C10orf143: variants seen among roughly 807,000 people sequenced by gnomAD.
C10orf143 encodes chromosome 10 open reading frame 143, also known as uncharacterized protein C10orf143.
At chr10:130,109,859 A>AAAG (rs1354028656) in intron 1 of C10orf143, among the ~76,000 whole-genome samples, 1 of 152,072 alleles carries the variant, frequency 6.6e-6, no homozygotes, top group Admixed American at 6.5e-5. Flanking sequence ...AAGAAAAAAA[A>AAAG]AAGCAAATAT....
chr10:130,106,631 A>G (rs1417788000), intron 1 of C10orf143: 1 of 1,308,632 alleles, frequency 7.6e-7, no homozygotes, highest in Admixed American at 1.7e-5. Context: ...GATCTTCAAG[A>G]GATTTAAAAT....
chr10:130,049,496 C>T (rs991602642), intron 3 of C10orf143, among the ~76,000 whole-genome samples: 1 of 152,250 alleles, frequency 6.6e-6, no homozygotes, highest in African/African-American at 2.4e-5. Flanking sequence ...AGATCGCCTC[C>T]ACCTGGAGGG....
intron 1 of C10orf143, among the ~76,000 whole-genome samples, chr10:130,101,874 A>AAAAAAAAAAAAC (rs1861561618): frequency 7.1e-6 from 1 of 141,288 alleles, no homozygotes; most frequent in African/African-American, 2.7e-5. Context: ...CCAAAAAAAA[A>AAAAAAAAAAAAC]AAAAAAAAAA....
chr10:130,086,688 A>T (rs1234574333), intron 1 of C10orf143, among the ~76,000 whole-genome samples: 2 of 152,228 alleles, frequency 1.3e-5, no homozygotes, highest in African/African-American at 2.4e-5. Flanking sequence ...TACAAGTTTC[A>T]ATTTTCCCCC....
At chr10:130,088,479 AT>A (rs1861328943) in intron 1 of C10orf143, among the ~76,000 whole-genome samples, 1 of 152,258 alleles carries the variant, frequency 6.6e-6, no homozygotes, top group East Asian at 1.9e-4. Flanking sequence ...TTTATATAAA[AT>A]AATCTAATCT....
At chr10:130,041,258 C>T (rs611788) in intron 3 of C10orf143, among the ~76,000 whole-genome samples, 71,802 of 152,010 alleles carry the variant, frequency 0.47, 17,690 homozygotes, top group African/African-American at 0.62. Flanking sequence ...AACTTTTAGG[C>T]GTGTGGACAG....
intron 1 of C10orf143, chr10:130,104,514 T>G (rs1473555606): frequency 1.3e-5 from 2 of 152,216 alleles, no homozygotes; most frequent in Non-Finnish European, 2.9e-5. Flanking sequence ...AACCAAATTC[T>G]GGAGACGCCT....
chr10:130,106,913 A>C, intron 1 of C10orf143: 1 of 1,025,936 alleles, frequency 9.7e-7, no homozygotes, highest in East Asian at 2.4e-5. Context: ...GGATGATGAT[A>C]ACTTAGAAGT....
In C10orf143 at chr10:130,037,096, T is replaced by C. The variant is rs895986070; in HGVS notation, c.298-1126A>G. ...ACTATTTTGGAAAGCTTGGCCTCAA[T>C]GGCATTTTAAAGTGCAGATGACACT... On this transcript the variant is annotated intron_variant and NMD_transcript_variant, in intron 3 of 5. Coordinates refer to the C10orf143 transcript ENST00000643056. 3.9e-5 allele frequency among the ~76,000 whole-genome samples: 6 copies of C among 152,126 alleles called. No homozygotes were observed. The South Asian group carries it at 1.0e-3, about 26-fold the overall frequency.
At chr10:130,108,341 G>A in intron 1 of C10orf143, 1 of 1,437,698 alleles carries the variant, frequency 7.0e-7, no homozygotes, top group Non-Finnish European at 9.8e-7. Flanking sequence ...CCCAAGACCT[G>A]GATTTTTCCC....
chr10:130,078,677 G>A (rs1036961921), intron 3 of C10orf143, among the ~76,000 whole-genome samples: 3 of 152,144 alleles, frequency 2.0e-5, no homozygotes, highest in African/African-American at 4.8e-5. Context: ...CACGGTGATG[G>A]CTGTCATGGT....
chr10:130,055,122 G>T (rs917744166), intron 3 of C10orf143, among the ~76,000 whole-genome samples: 1 of 151,996 alleles, frequency 6.6e-6, no homozygotes, highest in African/African-American at 2.4e-5. Flanking sequence ...TCCCCAAGTG[G>T]GCTAATGCCT....
chr10:130,050,134 CCTGGGCG>C, intron 3 of C10orf143, among the ~76,000 whole-genome samples: 1 of 152,354 alleles, frequency 6.6e-6, no homozygotes, highest in African/African-American at 2.4e-5. Flanking sequence ...GTGGGACCCG[CCTGGGCG>C]AGACATTCCT....
chr10:130,106,258 T>G, intron 1 of C10orf143: 8 of 1,531,014 alleles, frequency 5.2e-6, no homozygotes, highest in Non-Finnish European at 7.2e-6. Context: ...GTCGGCTTTA[T>G]GTGGGAAGAG....
At chr10:130,063,184 G>A (rs1860875725), downstream of C10orf143, among the ~76,000 whole-genome samples, 1 of 152,200 alleles carries the variant, frequency 6.6e-6, no homozygotes, top group South Asian at 2.1e-4. Context: ...TGCCACGTCA[G>A]CTACAAAACA....
At chr10:130,110,666 G>T in intron 1 of C10orf143, 38 bp downstream of exon 1, 2 of 398,608 alleles carry the variant, frequency 5.0e-6, no homozygotes, top group Non-Finnish European at 8.9e-6. Context: ...GGGGCCATCC[G>T]CCCTCCCGTC....
downstream of C10orf143, among the ~76,000 whole-genome samples, chr10:130,062,029 G>A (rs1056202084): frequency 2.0e-5 from 3 of 152,302 alleles, no homozygotes; most frequent in Non-Finnish European, 4.4e-5. Flanking sequence ...CAAGGCCACG[G>A]GCAGGACCTC....
intron 1 of C10orf143, among the ~76,000 whole-genome samples, chr10:130,102,346 T>A (rs2134811016): frequency 6.6e-6 from 1 of 152,312 alleles, no homozygotes; most frequent in South Asian, 2.1e-4. Context: ...AGTGGCGCCA[T>A]CTCAGCTCAC....
intron 3 of C10orf143, among the ~76,000 whole-genome samples, chr10:130,075,251 T>C (rs2134760537): frequency 6.6e-6 from 1 of 152,178 alleles, no homozygotes; most frequent in South Asian, 2.1e-4. Flanking sequence ...TAACCACAGA[T>C]AAAAGGCAGC....
Sources: gnomAD v4.1 joint callset for allele counts (sites outside exome capture counted in the v4.1 genomes callset) on GRCh38, gnomAD v4.1.1 for gene constraint, MANE v1.5 for transcripts, NCBI Gene and HGNC (gene_info 2026-07-23, HGNC 2026-07-21) for gene names.